Variants in CNTN5 observed in about 807,000 individuals in gnomAD.
The protein encoded by CNTN5 is contactin-5.
Under a neutral mutation model 129.1 loss-of-function variants are expected in CNTN5, and 77 were observed. The ratio of observed to expected loss-of-function variants is 0.60; its 90% confidence interval spans 0.50 to 0.72. CNTN5 has a LOEUF of 0.72. Ranked by LOEUF, CNTN5 falls within the 30% of genes least tolerant of loss-of-function variation. The pLI, the probability that CNTN5 is intolerant of heterozygous loss-of-function variation, is 0.00. For missense variants in CNTN5, 1,478 were observed against 1,328.8 expected (o/e 1.11, Z -1.75); for synonymous variants, 509 against 465.6 (o/e 1.09, Z -1.20).
At chr11:99,285,382 T>C (rs1432945449) in intron 1 of CNTN5, among the ~76,000 whole-genome samples, 3 of 152,092 alleles carry the variant, frequency 2.0e-5, no homozygotes, top group Admixed American at 1.3e-4. Flanking sequence ...ACTCCTTCCA[T>C]CAGCCACGGG....
At chr11:99,487,092 C>T (rs188101120) in intron 2 of CNTN5, among the ~76,000 whole-genome samples, 1 of 152,104 alleles carries the variant, frequency 6.6e-6, no homozygotes, top group Non-Finnish European at 1.5e-5. Context: ...GAGAGAAGGT[C>T]GAGAAAGTAC....
chr11:99,872,363 G>A lies in CNTN5; in HGVS notation c.577+27101G>A, dbSNP rs149483476. Among the ~76,000 whole-genome samples, 645 of 151,734 alleles carry A rather than the reference G, an allele frequency of 4.3e-3. 2 individuals are homozygous for A. The highest frequency in any genetic ancestry group is 0.013 in the African/African-American group (539 of 41,372). On this transcript the variant is annotated intron_variant, in intron 6 of 24. Transcript: ENST00000524871. ...CATATGTATTTTATTTATAAATTTC[G>A]GTTCTGATTCCAAAAACACAATATT...
At position 100,255,167 on chromosome 11, in the gene CNTN5, T is replaced by A. The variant is rs575923537; in HGVS notation, c.2006-593T>A. Among the ~76,000 whole-genome samples, 254 of 152,334 alleles carry A rather than the reference T, an allele frequency of 1.7e-3. 1 individual carries two copies. Among genetic ancestry groups the A allele is most frequent in the African/African-American group, 5.7e-3 (236 of 41,584 alleles). On this transcript the variant is annotated intron_variant, in intron 16 of 24. Transcript: ENST00000524871. The stretch of plus-strand genomic sequence containing the variant: ...TCATAGATCACAGTCTCCTTTGAAC[T>A]CCCTACAGAACTTTATGTATGTCTC...
chr11:99,528,919 G>T (rs1398508598), intron 2 of CNTN5, among the ~76,000 whole-genome samples: 1 of 147,164 alleles, frequency 6.8e-6, no homozygotes, highest in Non-Finnish European at 1.5e-5. Flanking sequence ...AAAAAAAATT[G>T]CCTGGCATAG....
intron 3 of CNTN5, among the ~76,000 whole-genome samples, chr11:99,763,212 G>C (rs1339486832): frequency 5.3e-5 from 8 of 151,894 alleles, no homozygotes; most frequent in African/African-American, 1.9e-4. Context: ...TTTTTCACTT[G>C]TCAGATATAG....
At chr11:99,110,909 T>C (rs1857760649) in intron 1 of CNTN5, among the ~76,000 whole-genome samples, 1 of 152,124 alleles carries the variant, frequency 6.6e-6, no homozygotes, top group African/African-American at 2.4e-5. Context: ...TATATAAAAC[T>C]TTGTTTTTAT....
At chr11:100,095,890 A>G (rs1323244764) in intron 13 of CNTN5, among the ~76,000 whole-genome samples, 6 of 152,092 alleles carry the variant, frequency 3.9e-5, no homozygotes, top group African/African-American at 1.2e-4. Flanking sequence ...TTTTGTCAGT[A>G]TTTTGTCTCC....
At chr11:99,962,297 A>C (rs979347214) in intron 8 of CNTN5, among the ~76,000 whole-genome samples, 103 of 147,992 alleles carry the variant, frequency 7.0e-4, no homozygotes, top group Admixed American at 1.1e-3. Context: ...TCCTAATGCT[A>C]TCCCTCCCCC....
At chr11:99,446,473 T>C (rs1334122423) in intron 2 of CNTN5, among the ~76,000 whole-genome samples, 7 of 152,204 alleles carry the variant, frequency 4.6e-5, no homozygotes, top group Non-Finnish European at 8.8e-5. Context: ...GACTTTTACC[T>C]GCAAATTTTT....
At chr11:99,256,466 G>T (rs1862383269) in intron 1 of CNTN5, among the ~76,000 whole-genome samples, 1 of 151,932 alleles carries the variant, frequency 6.6e-6, no homozygotes, top group Non-Finnish European at 1.5e-5. Context: ...TGTTTTGTTT[G>T]ACCACAAATA....
chr11:99,689,330 A>G (rs887948010), intron 3 of CNTN5, among the ~76,000 whole-genome samples: 5 of 151,884 alleles, frequency 3.3e-5, no homozygotes, highest in African/African-American at 1.2e-4. Flanking sequence ...GATCGAGACC[A>G]TCCTGGCTAA....
chr11:99,277,970 C>T (rs1297262369), intron 1 of CNTN5, among the ~76,000 whole-genome samples: 1 of 151,528 alleles, frequency 6.6e-6, no homozygotes, highest in Non-Finnish European at 1.5e-5. Flanking sequence ...TTATTGAGGT[C>T]AATTTTTCAT....
intron 1 of CNTN5, among the ~76,000 whole-genome samples, chr11:99,138,083 A>AT (rs1329483897): frequency 3.3e-5 from 5 of 152,192 alleles, no homozygotes; most frequent in Non-Finnish European, 7.4e-5. Context: ...AATATAATTT[A>AT]TTTAGGTCAG....
At chr11:99,508,583 G>A (rs1293104637) in intron 2 of CNTN5, among the ~76,000 whole-genome samples, 3 of 152,138 alleles carry the variant, frequency 2.0e-5, no homozygotes, top group East Asian at 1.9e-4. Flanking sequence ...AGAGCAAACT[G>A]CAATTAGCTG....
chr11:99,412,388 A>G (rs1399714395), intron 2 of CNTN5, among the ~76,000 whole-genome samples: 1 of 152,188 alleles, frequency 6.6e-6, no homozygotes, highest in Non-Finnish European at 1.5e-5. Context: ...ACTTCAAGTT[A>G]ATCAAAATCT....
chr11:99,358,377 C>A (rs1046653917), intron 2 of CNTN5, among the ~76,000 whole-genome samples: 1 of 127,560 alleles, frequency 7.8e-6, no homozygotes, highest in Non-Finnish European at 1.7e-5. Flanking sequence ...AGCAGCCGGG[C>A]GCGGTGGCCG....
chr11:100,163,067 T>C (rs1417266549), intron 13 of CNTN5, among the ~76,000 whole-genome samples: 1 of 151,826 alleles, frequency 6.6e-6, no homozygotes, highest in Non-Finnish European at 1.5e-5. Flanking sequence ...AAAACAACAT[T>C]ATTTTTAGAG....
At chr11:99,396,132 G>A (rs1941509537) in intron 2 of CNTN5, among the ~76,000 whole-genome samples, 1 of 151,630 alleles carries the variant, frequency 6.6e-6, no homozygotes, top group Non-Finnish European at 1.5e-5. Context: ...TACTTTGGCA[G>A]TATGGCCATT....
intron 1 of CNTN5, among the ~76,000 whole-genome samples, chr11:99,163,565 T>A (rs1370771386): frequency 6.6e-6 from 1 of 152,202 alleles, no homozygotes; most frequent in Non-Finnish European, 1.5e-5. Flanking sequence ...AATAATGTCA[T>A]ACTTTGTTTA....
Sources: allele counts gnomAD v4.1 joint callset (sites outside exome capture counted in the v4.1 genomes callset), GRCh38; gene constraint gnomAD v4.1.1; transcripts MANE v1.5; gene names NCBI Gene and HGNC (gene_info 2026-07-23, HGNC 2026-07-21).